DIS3: variants seen among roughly 807,000 people sequenced by gnomAD.
DIS3 encodes the protein exosome complex exonuclease RRP44.
Under a neutral mutation model 113.0 loss-of-function variants are expected in DIS3, and 103 were observed. That is an observed-to-expected ratio of 0.91 (90% confidence interval 0.78 to 1.07). The LOEUF is 1.07. DIS3 is among the 50% of genes least tolerant of loss of function. The pLI, the probability that DIS3 is intolerant of heterozygous loss-of-function variation, is 0.00. For synonymous variants in DIS3, 402 were observed against 394.3 expected (o/e 1.02, Z -0.23); for missense variants, 1,121 against 1,167.1 (o/e 0.96, Z 0.58).
intron 16 of DIS3, 53 bp downstream of exon 16, chr13:72,763,395 GAAC>G: frequency 5.3e-6 from 8 of 1,507,688 alleles, no homozygotes; most frequent in Non-Finnish European, 6.3e-6. Flanking sequence ...AAATTATTTA[GAAC>G]AACAGGTAGA....
intron 17 of DIS3, 48 bp downstream of exon 17, chr13:72,761,875 C>T (rs1490905927): frequency 6.2e-7 from 1 of 1,611,502 alleles, no homozygotes. Context: ...TTTTAAAATT[C>T]AAAATTAACC....
At chr13:72,768,435 A>G (rs1430121256) in intron 14 of DIS3, among the ~76,000 whole-genome samples, 1 of 152,182 alleles carries the variant, frequency 6.6e-6, no homozygotes, top group Non-Finnish European at 1.5e-5. Flanking sequence ...GGATCACCTG[A>G]GGTCAGGAGT....
chr13:72,779,390 T>C (rs2034099428), intron 2 of DIS3, among the ~76,000 whole-genome samples: 2 of 152,172 alleles, frequency 1.3e-5, no homozygotes, highest in Non-Finnish European at 2.9e-5. Flanking sequence ...AGTGCCAGGA[T>C]TACAGACATA....
Position 72,754,064 on chromosome 13 carries a change from C to T in DIS3, c.*5731G>A, listed in dbSNP as rs933925373. 8 of 362,354 alleles carry T rather than the reference C, an allele frequency of 2.2e-5. No homozygotes were observed. In the Admixed American group the frequency reaches 3.5e-4, roughly 16 times the overall value. The allele number at this position is 362,354 out of a possible 1,614,324, so 22.4% of individuals were successfully genotyped here. ...TGATGAGGGCATTTACTGAACCTTC[C>T]AGGTGGTGGTTATATATTCATACTT... is the stretch of plus-strand genomic sequence containing the variant. On this transcript the variant is annotated 3_prime_UTR_variant, in exon 21 of 21. Transcript: ENST00000377767.
intron 8 of DIS3, 31 bp from the exon 9 acceptor site, chr13:72,772,870 T>C (rs2033921184): frequency 6.4e-7 from 1 of 1,555,276 alleles, no homozygotes; most frequent in South Asian, 1.2e-5. Flanking sequence ...TAGAAACGCC[T>C]ATTTTATAGC....
At position 72,774,068 on chromosome 13, in the gene DIS3, T is replaced by A; in HGVS notation, c.988-9A>T. On this transcript the variant is annotated splice_polypyrimidine_tract_variant and intron_variant, in intron 6 of 20. Coordinates refer to ENST00000377767, the MANE Select transcript of DIS3 (RefSeq NM_014953.5). ...CTTACAGCAGTCTTAAGCTGAGATA[T>A]AAAAATTAAAATGTTCAGTTATATT... The A allele has an allele frequency of 6.4e-7, 1 of 1,556,140 alleles. No homozygotes were observed. The highest frequency in any genetic ancestry group is 8.7e-7 in the Non-Finnish European group (1 of 1,149,900).
Position 72,757,423 on chromosome 13 carries a change from C to CT in DIS3, c.*2371dup, listed in dbSNP as rs1198618507. 14,342 of 68,436 alleles carry CT rather than the reference C, an allele frequency of 0.21. 3,456 individuals are homozygous for CT. Among genetic ancestry groups the CT allele is most frequent in the Non-Finnish European group, 0.27 (9,034 of 33,852 alleles). 4.2% of individuals were successfully genotyped at this position (68,436 alleles called of 1,614,324 possible). A position where few individuals can be genotyped will look rare whatever the true frequency, so the allele number is the denominator to read the frequency against. ...CACCACACCTGGCTAATTTTCTTTTCTTTTTTTTTTTTTTTTTTTGCGATG... is the reference window on the plus strand; with the variant it reads ...CACCACACCTGGCTAATTTTCTTTTCTTTTTTTTTTTTTTTTTTTTGCGATG... On this transcript the variant is annotated 3_prime_UTR_variant, in exon 21 of 21. Coordinates refer to ENST00000377767, the MANE Select transcript of DIS3 (RefSeq NM_014953.5).
At position 72,781,787 on chromosome 13, in the gene DIS3, C is replaced by T. The variant is rs2034246216; in HGVS notation, c.46G>A (p.Val16Met). The change falls in exon 1 of 21, where the codon GTG (valine) becomes ATG (methionine). Residue 16 changes from valine (V) to methionine (M), a missense_variant. Around this residue, in one of 3 missense-constraint regions of DIS3, gnomAD observed 254 missense variants for 232.2 expected, o/e 1.09. Coordinates refer to ENST00000377767, the MANE Select transcript of DIS3 (RefSeq NM_014953.5). ...TFLKKTRAGG[V>M]MKIVREHYLR... The stretch of plus-strand genomic sequence containing the variant: ...TAGTGCTCGCGCACGATCTTCATCA[C>T]GCCGCCCGCCCGGGTCTTTTTTAAG... 2 of 1,604,906 alleles carry T rather than the reference C, an allele frequency of 1.2e-6. No homozygotes were observed. The highest frequency in any genetic ancestry group is 1.7e-6 in the Non-Finnish European group (2 of 1,175,628).
chr13:72,763,766 T>C (rs530544643), intron 15 of DIS3, among the ~76,000 whole-genome samples, 159 bp from the exon 16 acceptor site: 1 of 152,232 alleles, frequency 6.6e-6, no homozygotes, highest in Admixed American at 6.5e-5. Context: ...AAATAACTTA[T>C]GATTCTTTCA....
At position 72,753,658 on chromosome 13, in the gene DIS3, A is replaced by G; in HGVS notation, c.*6137T>C. On this transcript the variant is annotated 3_prime_UTR_variant, in exon 21 of 21. Coordinates refer to ENST00000377767, the MANE Select transcript of DIS3 (RefSeq NM_014953.5). ...TAAATATTTGACTTTTAAGTTCCTC[A>G]CAATATATTTTTTTCTTTTTTCTCC... is the stretch of plus-strand genomic sequence containing the variant. 1 of 1,595,130 alleles carries G rather than the reference A, an allele frequency of 6.3e-7. No individual in the cohort carries two copies. Among genetic ancestry groups the G allele is most frequent in the South Asian group, 1.2e-5 (1 of 86,922 alleles).
chr13:72,753,021 C>T lies in DIS3; in HGVS notation c.*6774G>A, dbSNP rs1408150890. 1 of 152,084 alleles carries T rather than the reference C, an allele frequency of 6.6e-6. No individual in the cohort carries two copies. Among genetic ancestry groups the T allele is most frequent in the Non-Finnish European group, 1.5e-5 (1 of 68,034 alleles). The allele number at this position is 152,084 out of a possible 1,614,324, so 9.4% of individuals were successfully genotyped here. ...ACTGGATGACATTGTGAAAGTTAAG[C>T]TTTTTAAGCCTTAATTTCCTTCTCT... is the stretch of plus-strand genomic sequence containing the variant. On this transcript the variant is annotated 3_prime_UTR_variant, in exon 21 of 21. Coordinates refer to ENST00000377767, the MANE Select transcript of DIS3 (RefSeq NM_014953.5).
In DIS3 at chr13:72,755,502, T is replaced by G. The variant is rs2033435985; in HGVS notation, c.*4293A>C. 2.4e-6 allele frequency: 1 copy of G among 415,906 alleles called. No individual in the cohort carries two copies. Among genetic ancestry groups the G allele is most frequent in the African/African-American group, 2.0e-5 (1 of 49,492 alleles). 25.8% of individuals were successfully genotyped at this position (415,906 alleles called of 1,614,324 possible). ...TGTGACAGAGCTGAGTGCTCCTATCTTACAGGGTCAATGAACTACTTATTA... is the reference window on the plus strand; with the variant it reads ...TGTGACAGAGCTGAGTGCTCCTATCGTACAGGGTCAATGAACTACTTATTA... On this transcript the variant is annotated 3_prime_UTR_variant, in exon 21 of 21. Coordinates refer to ENST00000377767, the MANE Select transcript of DIS3 (RefSeq NM_014953.5).
At position 72,753,422 on chromosome 13, in the gene DIS3, G is replaced by A. The variant is rs1168120055; in HGVS notation, c.*6373C>T. ...GGTACGATCACAAAATAACAGGAAA[G>A]CATTGTGTCAGTAGGCTGTTCACTG... On this transcript the variant is annotated 3_prime_UTR_variant, in exon 21 of 21. Coordinates refer to ENST00000377767, the MANE Select transcript of DIS3 (RefSeq NM_014953.5). 3 of 267,380 alleles carry A rather than the reference G, an allele frequency of 1.1e-5. No homozygotes were observed. Among genetic ancestry groups the A allele is most frequent in the Non-Finnish European group, 2.1e-5 (3 of 142,714 alleles). The allele number at this position is 267,380 out of a possible 1,614,324, so 16.6% of individuals were successfully genotyped here.
chr13:72,775,301 C>G lies in DIS3; in HGVS notation c.897G>C (p.Lys299Asn). ...CAGAAGATGGTGCTACCCACTGACTCTTGGGGAGAAGCTCCACAGCCACAA... is the reference window on the plus strand; with the variant it reads ...CAGAAGATGGTGCTACCCACTGACTGTTGGGGAGAAGCTCCACAGCCACAA... ...EDIVAVELLP[K>N]SQWVAPSSVV... The change falls in exon 6 of 21, where the codon AAG (lysine) becomes AAC (asparagine). Residue 299 changes from lysine (K) to asparagine (N), a missense_variant. Transcript: ENST00000377767. The G allele has an allele frequency of 6.2e-7, 1 of 1,613,778 alleles. No homozygotes were observed. Among genetic ancestry groups the G allele is most frequent in the Non-Finnish European group, 8.5e-7 (1 of 1,179,752 alleles).
rs1464843289 is a variant in DIS3, at chr13:72,756,088, G to T, written c.*3707C>A. 2.5e-6 allele frequency: 1 copy of T among 396,498 alleles called. No individual in the cohort carries two copies. The highest frequency in any genetic ancestry group is 3.6e-5 in the East Asian group (1 of 28,000). 24.6% of individuals were successfully genotyped at this position (396,498 alleles called of 1,614,324 possible). On this transcript the variant is annotated 3_prime_UTR_variant, in exon 21 of 21. Transcript: ENST00000377767. ...CTTATATCCATGTTGGGAGTAGATG[G>T]GTATATAACAGTTTGGAAATACTAT...
chr13:72,766,445 C>G (rs955069755), intron 14 of DIS3, among the ~76,000 whole-genome samples: 10 of 152,040 alleles, frequency 6.6e-5, no homozygotes, highest in Non-Finnish European at 2.9e-5. Context: ...GTTATTGGGG[C>G]AGGGGACAAT....
chr13:72,763,683 A>G, intron 15 of DIS3, 76 bp from the exon 16 acceptor site: 1 of 1,392,728 alleles, frequency 7.2e-7, no homozygotes, highest in Non-Finnish European at 9.6e-7. Context: ...TTCACAGGTT[A>G]CCTTTGTTAC....
At chr13:72,762,237 T>A in intron 16 of DIS3, 100 bp from the exon 17 acceptor site, 2 of 1,055,710 alleles carry the variant, frequency 1.9e-6, no homozygotes, top group Non-Finnish European at 2.7e-6. Flanking sequence ...AAACATCATG[T>A]TTTTGTTATT....
rs147624508 is a variant in DIS3 at position 72,772,011 on chromosome 13, C to T, written c.1504-115G>A. The T allele has an allele frequency of 4.9e-4, 637 of 1,292,138 alleles. 6 individuals are homozygous for T. The African/African-American group carries it at 8.5e-3, about 17-fold the overall frequency. 80.0% of individuals were successfully genotyped at this position (1,292,138 alleles called of 1,614,324 possible). On this transcript the variant is annotated intron_variant, in intron 10 of 20. Transcript: ENST00000377767. ...TTAAAAAAGACTCAGTCACCTCTAC[C>T]ATTTCAACTTCTGACATATGGCCAA...
Sources: gnomAD v4.1 joint callset for allele counts (sites outside exome capture counted in the v4.1 genomes callset) on GRCh38, gnomAD v4.1.1 for gene constraint, gnomAD v4.1.1 regional missense constraint, MANE v1.5 for transcripts, NCBI Gene and HGNC (gene_info 2026-07-23, HGNC 2026-07-21) for gene names.